RNGTT: variants seen among roughly 807,000 people sequenced by gnomAD.
RNGTT encodes RNA guanylyltransferase and 5'-phosphatase.
Under a neutral mutation model 79.3 loss-of-function variants are expected in RNGTT, and 33 were observed. The observed-to-expected ratio is 0.42, with a 90% confidence interval of 0.32 to 0.56. The LOEUF is 0.56. Ranked by LOEUF, RNGTT falls within the 20% of genes least tolerant of loss-of-function variation. The probability of loss-of-function intolerance (pLI) is 0.17; values close to 1 mark genes in which losing one functional copy is unlikely to be tolerated. For synonymous variants in RNGTT, 222 were observed against 235.9 expected (o/e 0.94, Z 0.54); for missense variants, 497 against 739.1 (o/e 0.67, Z 3.80).
intron 13 of RNGTT, among the ~76,000 whole-genome samples, chr6:88,767,646 C>T (rs1225335903): frequency 8.4e-6 from 1 of 119,712 alleles, no homozygotes; most frequent in Non-Finnish European, 1.7e-5. Flanking sequence ...TCTTTGAAGT[C>T]TTATTTTTCG....
intron 14 of RNGTT, among the ~76,000 whole-genome samples, chr6:88,674,746 T>A (rs1774793806): frequency 6.6e-6 from 1 of 150,418 alleles, no homozygotes. Context: ...AAGAAACAAA[T>A]GTGAAAAAAA....
At chr6:88,894,359 T>C (rs369846037) in intron 6 of RNGTT, among the ~76,000 whole-genome samples, 2 of 152,138 alleles carry the variant, frequency 1.3e-5, no homozygotes, top group African/African-American at 4.8e-5. Context: ...ATTTTAAAAA[T>C]CCACAATGGA....
At chr6:88,623,526 C>CTATTA (rs1315434903) in intron 14 of RNGTT, among the ~76,000 whole-genome samples, 1 of 151,550 alleles carries the variant, frequency 6.6e-6, no homozygotes, top group Non-Finnish European at 1.5e-5. Context: ...TTACTCAGGC[C>CTATTA]TATTAATTCT....
At chr6:88,692,844 T>C (rs9342147) in intron 13 of RNGTT, among the ~76,000 whole-genome samples, 17,650 of 151,880 alleles carry the variant, frequency 0.12, 1,137 homozygotes, top group Middle Eastern at 0.22. Flanking sequence ...TTAAAATATA[T>C]ATATATAAAA....
chr6:88,670,717 G>GC (rs964741963), intron 14 of RNGTT, among the ~76,000 whole-genome samples: 2 of 152,156 alleles, frequency 1.3e-5, no homozygotes, highest in Non-Finnish European at 2.9e-5. Context: ...TGTTCTGCTA[G>GC]CCCCCATCAC....
chr6:88,876,184 T>C (rs1381711003), intron 8 of RNGTT, among the ~76,000 whole-genome samples: 1 of 152,188 alleles, frequency 6.6e-6, no homozygotes, highest in Non-Finnish European at 1.5e-5. Flanking sequence ...ATTTTAAAAA[T>C]ACATGTTATA....
intron 13 of RNGTT, among the ~76,000 whole-genome samples, chr6:88,706,259 CTGTATT>C (rs1420929050): frequency 6.6e-6 from 1 of 151,300 alleles, no homozygotes; most frequent in Admixed American, 6.6e-5. Context: ...AGAAATAACT[CTGTATT>C]TGGTGGTAAA....
At chr6:88,722,685 A>G (rs1199698108) in intron 13 of RNGTT, among the ~76,000 whole-genome samples, 4 of 152,226 alleles carry the variant, frequency 2.6e-5, no homozygotes, top group Non-Finnish European at 5.9e-5. Context: ...AGGTTTTCAC[A>G]TGAAAGATCC....
At chr6:88,713,028 C>G (rs1224162957) in intron 13 of RNGTT, among the ~76,000 whole-genome samples, 1 of 152,078 alleles carries the variant, frequency 6.6e-6, no homozygotes, top group East Asian at 1.9e-4. Context: ...CAACATATAA[C>G]AAACTACTCT....
At chr6:88,821,088 T>C (rs1007963878) in intron 11 of RNGTT, among the ~76,000 whole-genome samples, 1 of 152,076 alleles carries the variant, frequency 6.6e-6, no homozygotes, top group African/African-American at 2.4e-5. Context: ...GACAGTATAA[T>C]ATCGGCAAAA....
chr6:88,851,684 T>C (rs756523426), intron 9 of RNGTT, among the ~76,000 whole-genome samples: 2 of 152,044 alleles, frequency 1.3e-5, no homozygotes, highest in Non-Finnish European at 2.9e-5. Context: ...CATCTGACAG[T>C]CAGACAATTA....
chr6:88,694,684 A>C (rs1416911558), intron 13 of RNGTT, among the ~76,000 whole-genome samples: 1 of 152,202 alleles, frequency 6.6e-6, no homozygotes, highest in Admixed American at 6.6e-5. Flanking sequence ...CACTACTACT[A>C]ATTTCAAACT....
intron 12 of RNGTT, among the ~76,000 whole-genome samples, chr6:88,795,541 G>A (rs1779569179): frequency 6.6e-6 from 1 of 152,012 alleles, no homozygotes; most frequent in African/African-American, 2.4e-5. Flanking sequence ...GTGGGGGGTT[G>A]GGGGCTAGGG....
Position 88,738,096 on chromosome 6 carries a change from A to T in RNGTT, c.1439+31678T>A, listed in dbSNP as rs575894286. Among the ~76,000 whole-genome samples the T allele has an allele frequency of 3.3e-5, 5 of 152,322 alleles. No homozygotes were observed. In the East Asian group the frequency reaches 9.6e-4, roughly 29 times the overall value. On this transcript the variant is annotated intron_variant, in intron 13 of 15. Transcript: ENST00000369485. ...GTGGTCAAGGTCAACATCAAAAATCATAAAATCATGTTCATAGTATGTACT... is the reference window on the plus strand; with the variant it reads ...GTGGTCAAGGTCAACATCAAAAATCTTAAAATCATGTTCATAGTATGTACT...
At chr6:88,799,636 G>C (rs944345979) in intron 12 of RNGTT, among the ~76,000 whole-genome samples, 6 of 148,208 alleles carry the variant, frequency 4.0e-5, no homozygotes, top group African/African-American at 1.5e-4. Context: ...GAAGGCAGAG[G>C]TTGCAGTGAG....
chr6:88,711,670 G>A (rs966783820), intron 13 of RNGTT, among the ~76,000 whole-genome samples: 6 of 152,226 alleles, frequency 3.9e-5, no homozygotes, highest in East Asian at 3.9e-4. Flanking sequence ...AGCCTTTACC[G>A]CTAAGGAGTT....
At chr6:88,715,314 G>C (rs1419422826) in intron 13 of RNGTT, among the ~76,000 whole-genome samples, 3 of 152,150 alleles carry the variant, frequency 2.0e-5, no homozygotes, top group Non-Finnish European at 4.4e-5. Context: ...TGAAATAAAA[G>C]AGGATACAAA....
rs897660115 is a variant in RNGTT, at chr6:88,706,232, C to CT, written c.1440-27814dup. Among the ~76,000 whole-genome samples, 9 of 151,766 alleles carry CT rather than the reference C, an allele frequency of 5.9e-5. No homozygotes were observed. The East Asian group carries it at 7.7e-4, about 13-fold the overall frequency. On this transcript the variant is annotated intron_variant, in intron 13 of 15. Coordinates refer to ENST00000369485, the MANE Select transcript of RNGTT (RefSeq NM_003800.5). ...AGTATGTCATCAATGCATTGAAGTG[C>CT]TTTTTTTTGGTAGAAAAGAAATAAC...
At chr6:88,960,163 G>C (rs371974949) in intron 1 of RNGTT, among the ~76,000 whole-genome samples, 8 of 152,144 alleles carry the variant, frequency 5.3e-5, no homozygotes, top group African/African-American at 1.9e-4. Flanking sequence ...AAAATGGATG[G>C]TTTGCTACTC....
Sources: gnomAD v4.1 joint callset for allele counts (sites outside exome capture counted in the v4.1 genomes callset) on GRCh38, gnomAD v4.1.1 for gene constraint, MANE v1.5 for transcripts, NCBI Gene and HGNC (gene_info 2026-07-23, HGNC 2026-07-21) for gene names.